Variants in TRPS1 observed in about 807,000 individuals in gnomAD.
TRPS1 encodes the protein zinc finger transcription factor Trps1.
In TRPS1, 6 loss-of-function variants were observed where a neutral mutation model predicts 101.2. The observed-to-expected ratio is 0.06, with a 90% CI of 0.03 to 0.12. The LOEUF (loss-of-function observed/expected upper bound fraction) is 0.12. TRPS1 is among the 10% of genes least tolerant of loss of function. The pLI is 1.00. For missense variants in TRPS1, 1,363 were observed against 1,567.0 expected (o/e 0.87, Z 2.20); for synonymous variants, 578 against 589.8 (o/e 0.98, Z 0.29).
intron 5 of TRPS1, among the ~76,000 whole-genome samples, chr8:115,551,882 C>T (rs943627117): frequency 4.6e-5 from 7 of 152,146 alleles, no homozygotes; most frequent in Non-Finnish European, 1.0e-4. Context: ...GCTAACATAG[C>T]AGAAAAGCAG....
chr8:115,648,701 T>C (rs1444927859), intron 1 of TRPS1, among the ~76,000 whole-genome samples: 4 of 152,232 alleles, frequency 2.6e-5, no homozygotes, highest in Non-Finnish European at 5.9e-5. Context: ...TATTATTTTA[T>C]TTCTCTCGCT....
chr8:115,654,160 T>A (rs1195323143), intron 1 of TRPS1, among the ~76,000 whole-genome samples: 2 of 152,238 alleles, frequency 1.3e-5, no homozygotes, highest in South Asian at 2.1e-4. Flanking sequence ...ATGATTAAAA[T>A]TAGCTTAACT....
chr8:115,426,945 T>C (rs960990905), intron 5 of TRPS1, among the ~76,000 whole-genome samples: 5 of 152,136 alleles, frequency 3.3e-5, no homozygotes, highest in African/African-American at 1.2e-4. Flanking sequence ...TTCTGGTCTC[T>C]AAGTCTAGGC....
At chr8:115,644,143 C>A (rs1818962344) in intron 1 of TRPS1, among the ~76,000 whole-genome samples, 1 of 152,178 alleles carries the variant, frequency 6.6e-6, no homozygotes, top group Admixed American at 6.5e-5. Context: ...TTAAGGGTCC[C>A]AGAATCTTTG....
At chr8:115,658,596 A>AT (rs1348977715) in intron 1 of TRPS1, among the ~76,000 whole-genome samples, 1 of 152,112 alleles carries the variant, frequency 6.6e-6, no homozygotes, top group Non-Finnish European at 1.5e-5. Context: ...TATTACTCTC[A>AT]TTTTTAAAGT....
At chr8:115,421,575 G>A (rs1204149554) in intron 5 of TRPS1, among the ~76,000 whole-genome samples, 2 of 152,150 alleles carry the variant, frequency 1.3e-5, no homozygotes, top group African/African-American at 4.8e-5. Flanking sequence ...TTCAATAGGA[G>A]CAAGCTTGCA....
intron 4 of TRPS1, among the ~76,000 whole-genome samples, chr8:115,592,173 G>A (rs745727795): frequency 6.6e-6 from 1 of 152,158 alleles, no homozygotes; most frequent in East Asian, 1.9e-4. Flanking sequence ...CTTTCTCAGC[G>A]ATAGAGATTC....
chr8:115,509,932 C>T (rs1241573784), intron 5 of TRPS1, among the ~76,000 whole-genome samples: 1 of 152,024 alleles, frequency 6.6e-6, no homozygotes, highest in Non-Finnish European at 1.5e-5. Flanking sequence ...CGCTGACCTC[C>T]ACCTTTCCTG....
chr8:115,635,963 T>G (rs535471235), intron 1 of TRPS1, among the ~76,000 whole-genome samples: 33 of 152,276 alleles, frequency 2.2e-4, no homozygotes, highest in African/African-American at 5.8e-4. Context: ...TACTACTGGA[T>G]TATGGATAGT....
At chr8:115,499,182 G>A (rs1047157607) in intron 5 of TRPS1, among the ~76,000 whole-genome samples, 5 of 152,218 alleles carry the variant, frequency 3.3e-5, no homozygotes, top group Middle Eastern at 3.4e-3. Flanking sequence ...GGGCATAGAC[G>A]TCTTGGTTAT....
chr8:115,662,692 A>T (rs1811830083), intron 1 of TRPS1, among the ~76,000 whole-genome samples: 1 of 70,268 alleles, frequency 1.4e-5, no homozygotes, highest in East Asian at 2.4e-4. Context: ...GACTATTTAT[A>T]AAAAAAAAAA....
chr8:115,500,370 C>T (rs1815286399), intron 5 of TRPS1, among the ~76,000 whole-genome samples: 1 of 151,944 alleles, frequency 6.6e-6, no homozygotes, highest in African/African-American at 2.4e-5. Context: ...ATTCGTATGT[C>T]GTTACAAAAC....
At chr8:115,630,632 A>T (rs904861095) in intron 1 of TRPS1, among the ~76,000 whole-genome samples, 2 of 152,036 alleles carry the variant, frequency 1.3e-5, no homozygotes, top group African/African-American at 4.8e-5. Flanking sequence ...CTAGCTAATA[A>T]AAAATATTTC....
intron 5 of TRPS1, among the ~76,000 whole-genome samples, chr8:115,507,979 G>A (rs1815488651): frequency 1.3e-5 from 2 of 151,730 alleles, no homozygotes; most frequent in Admixed American, 1.3e-4. Flanking sequence ...TTTGTTCTTT[G>A]TTCCTTGAAA....
chr8:115,471,781 A>T (rs1313764301), intron 5 of TRPS1, among the ~76,000 whole-genome samples: 2 of 152,300 alleles, frequency 1.3e-5, no homozygotes, highest in East Asian at 3.9e-4. Context: ...AAATTGGCCA[A>T]AACAAAATTA....
chr8:115,532,308 T>A (rs1263686345), intron 5 of TRPS1, among the ~76,000 whole-genome samples: 1 of 151,960 alleles, frequency 6.6e-6, no homozygotes, highest in East Asian at 1.9e-4. Flanking sequence ...ATTTGACTGA[T>A]GAAAACTGTA....
At chr8:115,454,330 C>T (rs1439166889) in intron 5 of TRPS1, among the ~76,000 whole-genome samples, 1 of 152,190 alleles carries the variant, frequency 6.6e-6, no homozygotes, top group African/African-American at 2.4e-5. Context: ...ACTTGTACTA[C>T]TGTACTTCCA....
At chr8:115,563,765 C>T (rs1168539384) in intron 5 of TRPS1, among the ~76,000 whole-genome samples, 1 of 151,974 alleles carries the variant, frequency 6.6e-6, no homozygotes. Context: ...TAAACTCCAG[C>T]TGAGGTATTA....
At chr8:115,598,587 C>G (rs1169689079) in intron 4 of TRPS1, among the ~76,000 whole-genome samples, 3 of 152,112 alleles carry the variant, frequency 2.0e-5, no homozygotes, top group African/African-American at 7.2e-5. Context: ...CAGGTGTGAG[C>G]CACTGTGCCC....
Sources: allele counts gnomAD v4.1 joint callset (sites outside exome capture counted in the v4.1 genomes callset), GRCh38; gene constraint gnomAD v4.1.1; transcripts MANE v1.5; gene names NCBI Gene and HGNC (gene_info 2026-07-23, HGNC 2026-07-21).